The following FRMD3 variants were observed in gnomAD, a reference collection of about 807,000 sequenced individuals.
FRMD3 encodes FERM domain-containing protein 3.
FRMD3 carries 33 observed loss-of-function variants against 70.2 expected under a neutral mutation model. The observed-to-expected ratio is 0.47, with a 90% CI of 0.36 to 0.63. The LOEUF is 0.63. Among genes scored for constraint, FRMD3 ranks in the 20% least tolerant of loss-of-function variants. The pLI, the probability that FRMD3 is intolerant of heterozygous loss-of-function variation, is 0.00. For missense variants in FRMD3, 632 were observed against 711.4 expected (o/e 0.89, Z 1.27); for synonymous variants, 279 against 255.9 (o/e 1.09, Z -0.86).
At chr9:83,488,529 C>T (rs1828735790) in intron 1 of FRMD3, among the ~76,000 whole-genome samples, 2 of 152,136 alleles carry the variant, frequency 1.3e-5, no homozygotes, top group Admixed American at 1.3e-4. Flanking sequence ...AAACAGAATG[C>T]CTACAATATA....
chr9:83,329,183 G>A (rs567770262), intron 6 of FRMD3, among the ~76,000 whole-genome samples: 26 of 152,178 alleles, frequency 1.7e-4, no homozygotes, highest in Non-Finnish European at 2.5e-4. Context: ...TACAGTGAAC[G>A]CATTTGATCC....
At chr9:83,297,016 C>G (rs2119008925) in intron 12 of FRMD3, among the ~76,000 whole-genome samples, 1 of 152,180 alleles carries the variant, frequency 6.6e-6, no homozygotes, top group Middle Eastern at 3.4e-3. Flanking sequence ...TTTGAGAAAC[C>G]CTGAGCTAGA....
intron 10 of FRMD3, among the ~76,000 whole-genome samples, chr9:83,308,505 G>A (rs1299864347): frequency 6.6e-6 from 1 of 152,150 alleles, no homozygotes; most frequent in Non-Finnish European, 1.5e-5. Context: ...GTAAGGGGCA[G>A]GGGGACTGAT....
chr9:83,490,329 A>G (rs749088485), intron 1 of FRMD3, among the ~76,000 whole-genome samples: 2 of 147,714 alleles, frequency 1.4e-5, no homozygotes, highest in Non-Finnish European at 3.0e-5. Flanking sequence ...TTGCTTTATT[A>G]CCCAGGGTGG....
intron 6 of FRMD3, among the ~76,000 whole-genome samples, chr9:83,326,603 A>ATT (rs11390169): frequency 2.0e-5 from 3 of 151,860 alleles, no homozygotes; most frequent in Non-Finnish European, 4.4e-5. Flanking sequence ...TTAATGATCC[A>ATT]TTTTTTCAGG....
rs1301304786 is a variant in FRMD3, at chr9:83,246,807, C to A, written c.*1111G>T. On this transcript the variant is annotated 3_prime_UTR_variant, in exon 14 of 14. Transcript: ENST00000304195. ...TTATTTAGATCCACTTAAACATGTT[C>A]ATGTTAACTCAGACAGCGACTGCAC... The A allele has an allele frequency of 5.3e-5, 52 of 985,198 alleles. No homozygotes were observed. The highest frequency in any genetic ancestry group is 1.1e-4 in the East Asian group (1 of 8,814). The allele number at this position is 985,198 out of a possible 1,614,324, so 61.0% of individuals were successfully genotyped here. A position where few individuals can be genotyped will look rare whatever the true frequency, so the allele number is the denominator to read the frequency against.
At position 83,248,439 on chromosome 9, in the gene FRMD3, C is replaced by T; in HGVS notation, c.1273G>A (p.Glu425Lys). Residue 425 changes from glutamate (E) to lysine (K), a missense_variant, in exon 14 of 14, where the codon GAA becomes AAA. Transcript: ENST00000304195. ...TCTTCCTCTTCACTAGGGGGATCTT[C>T]ATACTCCCGGGCTGCCTTCACTGGG... ...SSPVKAAREY[E>K]DPPSEEEDKI... is the part of the protein sequence containing the mutation. The T allele has an allele frequency of 6.2e-7, 1 of 1,614,092 alleles. No individual in the cohort carries two copies. The highest frequency in any genetic ancestry group is 8.5e-7 in the Non-Finnish European group (1 of 1,180,038).
chr9:83,462,531 G>C (rs907904438), intron 1 of FRMD3, among the ~76,000 whole-genome samples: 1 of 152,126 alleles, frequency 6.6e-6, no homozygotes, highest in African/African-American at 2.4e-5. Context: ...TTACTATGGT[G>C]CCATCTCCTC....
rs190069337 is a variant in FRMD3, at chr9:83,519,369, C to T, written c.147+18716G>A. On this transcript the variant is annotated intron_variant, in intron 1 of 13. Transcript: ENST00000304195. The stretch of plus-strand genomic sequence containing the variant: ...CACTTCTCAAAAGAAGACATTTATG[C>T]GGCCGCCAAACACATGAAAAAAAGC... 2.5e-4 allele frequency among the ~76,000 whole-genome samples: 38 copies of T among 152,164 alleles called. 1 individual carries two copies. Among genetic ancestry groups the T allele is most frequent in the South Asian group, 1.2e-3 (6 of 4,810 alleles).
At chr9:83,507,687 CATACATATATATATATATAT>C (rs1265416255) in intron 1 of FRMD3, among the ~76,000 whole-genome samples, 865 of 46,926 alleles carry the variant, frequency 0.018, 100 homozygotes, top group African/African-American at 0.039. Flanking sequence ...AAAAAATATA[CATACATATATATATATATAT>C]ATATATATAT....
intron 1 of FRMD3, among the ~76,000 whole-genome samples, chr9:83,522,671 C>G (rs900573249): frequency 1.3e-5 from 2 of 150,848 alleles, no homozygotes; most frequent in African/African-American, 4.9e-5. Context: ...TCACACCATT[C>G]TCCTGCCTCA....
intron 13 of FRMD3, among the ~76,000 whole-genome samples, chr9:83,276,836 A>T (rs12353330): frequency 6.6e-6 from 1 of 152,092 alleles, no homozygotes; most frequent in Non-Finnish European, 1.5e-5. Flanking sequence ...CAGCCTCCCG[A>T]GTAGCTGGGA....
At chr9:83,540,865 T>C (rs1371817419), upstream of FRMD3, among the ~76,000 whole-genome samples, 1 of 152,202 alleles carries the variant, frequency 6.6e-6, no homozygotes, top group Non-Finnish European at 1.5e-5. Context: ...AAATTCACAA[T>C]TTCATCTACA....
chr9:83,456,268 C>T (rs1369262146), intron 1 of FRMD3, among the ~76,000 whole-genome samples: 1 of 152,028 alleles, frequency 6.6e-6, no homozygotes, highest in East Asian at 1.9e-4. Context: ...TTTTAATGGC[C>T]GCATCCATTG....
At chr9:83,531,542 C>T (rs1564118943) in intron 1 of FRMD3, among the ~76,000 whole-genome samples, 1 of 152,298 alleles carries the variant, frequency 6.6e-6, no homozygotes, top group East Asian at 1.9e-4. Context: ...CTCCTCTATT[C>T]CTTTTGTGTC....
intron 10 of FRMD3, among the ~76,000 whole-genome samples, chr9:83,306,250 G>A (rs1230575423): frequency 6.6e-6 from 1 of 152,160 alleles, no homozygotes; most frequent in Non-Finnish European, 1.5e-5. Flanking sequence ...CTAAAGGAAG[G>A]CCTGTCTGCT....
Position 83,538,097 on chromosome 9 carries a change from G to A in FRMD3, c.135C>T (p.Ser45=), listed in dbSNP as rs766524912. 3.1e-6 allele frequency: 5 copies of A among 1,613,070 alleles called. No individual in the cohort carries two copies. The Admixed American group carries it at 8.3e-5, about 27-fold the overall frequency. The change falls in exon 1 of 14, where the codon TCC becomes TCT. Residue 45 remains serine, a synonymous_variant. Coordinates refer to ENST00000304195, the MANE Select transcript of FRMD3 (RefSeq NM_174938.6). The surrounding 1 kb of genome is among the most constrained non-coding windows in gnomAD (Gnocchi z 4.7). ...TIRLLDDSEI[S]CHIQRETKGQ... ...GTTCCACGCGCACCTGGATGTGGCA[G>A]GAGATCTCCGAGTCGTCCAGCAGCC...
chr9:83,295,376 AAAG>A (rs1587690526), intron 12 of FRMD3, among the ~76,000 whole-genome samples: 2 of 152,212 alleles, frequency 1.3e-5, no homozygotes, highest in Non-Finnish European at 2.9e-5. Flanking sequence ...CTTGAAATTA[AAAG>A]AAGTAGTGCC....
intron 1 of FRMD3, among the ~76,000 whole-genome samples, chr9:83,479,328 G>A (rs1828474196): frequency 7.7e-6 from 1 of 129,182 alleles, no homozygotes. Flanking sequence ...AGGAGAAGAA[G>A]GGGAAGAAGA....
Sources: gnomAD v4.1 joint callset for allele counts (sites outside exome capture counted in the v4.1 genomes callset) on GRCh38, gnomAD v4.1.1 for gene constraint, Gnocchi (gnomAD v3.1) non-coding constraint, MANE v1.5 for transcripts, NCBI Gene and HGNC (gene_info 2026-07-23, HGNC 2026-07-21) for gene names.